SETD1B: variants seen among roughly 807,000 people sequenced by gnomAD.
SETD1B encodes SET domain containing 1B, histone lysine methyltransferase, also known as histone-lysine N-methyltransferase SETD1B.
In SETD1B, 7 loss-of-function variants were observed where a neutral mutation model predicts 148.0. The observed-to-expected ratio is 0.05, with a 90% CI of 0.03 to 0.09. The LOEUF is 0.09. SETD1B is among the 10% of genes least tolerant of loss of function. The probability of loss-of-function intolerance (pLI) is 1.00; values close to 1 mark genes in which losing one functional copy is unlikely to be tolerated. For synonymous variants in SETD1B, 1,361 were observed against 1,186.5 expected (o/e 1.15, Z -3.02); for missense variants, 2,155 against 2,729.9 (o/e 0.79, Z 4.69).
At chr12:121,822,032 G>A (rs532030768) in intron 11 of SETD1B, among the ~76,000 whole-genome samples, 35 of 152,238 alleles carry the variant, frequency 2.3e-4, no homozygotes, top group African/African-American at 8.4e-4. Context: ...CAGTGACCGT[G>A]ATCATGCCAC....
chr12:121,799,662 C>G (rs1592966153), upstream of SETD1B: 1 of 145,958 alleles, frequency 6.9e-6, no homozygotes, highest in Admixed American at 7.0e-5. Flanking sequence ...CAGAAGCTGA[C>G]AGACGGGGAT....
intron 10 of SETD1B, among the ~76,000 whole-genome samples, chr12:121,818,482 G>A (rs1325216774): frequency 6.6e-6 from 1 of 152,080 alleles, no homozygotes. Context: ...AGAATTGCTT[G>A]AATCCAGGAG....
chr12:121,794,016 GC>G, the SETD1B span: 1 of 176,552 alleles, frequency 5.7e-6, no homozygotes, highest in African/African-American at 2.4e-5. Context: ...CCTCTGATTG[GC>G]TGGCGCGGCC....
chr12:121,826,274 C>T (rs1202718597), intron 13 of SETD1B, among the ~76,000 whole-genome samples: 1 of 152,050 alleles, frequency 6.6e-6, no homozygotes, highest in African/African-American at 2.4e-5. Context: ...CACGTAATTC[C>T]AGGCAGGGAA....
the SETD1B span, chr12:121,797,182 T>G: frequency 2.9e-5 from 10 of 347,114 alleles, no homozygotes; most frequent in Non-Finnish European, 5.7e-5. Flanking sequence ...GCAGAGGCTG[T>G]GTCTCCACCC....
At position 121,823,115 on chromosome 12, in the gene SETD1B, T is replaced by A. The variant is rs1381447427; in HGVS notation, c.4536T>A (p.Pro1512=). Residue 1512 remains proline (P), a synonymous_variant, in exon 12 of 17, where the codon CCT becomes CCA. Transcript: ENST00000604567. The part of the protein sequence containing the change: ...PLLPAPLASC[P]PPMKRKPGRP... ...TGCCCGCCCCCCTGGCCTCTTGCCC[T>A]CCCCCAATGAAGAGGAAGCCGGGCC... The A allele has an allele frequency of 2.4e-6, 2 of 839,240 alleles. No individual in the cohort carries two copies. The highest frequency in any genetic ancestry group is 4.8e-5 in the African/African-American group (1 of 20,972). 52.0% of individuals were successfully genotyped at this position (839,240 alleles called of 1,614,324 possible).
At chr12:121,827,888 G>A (rs1444883281) in intron 15 of SETD1B, 34 bp downstream of exon 15, 5 of 1,552,810 alleles carry the variant, frequency 3.2e-6, no homozygotes, top group Non-Finnish European at 4.4e-6. Flanking sequence ...GCACCGGGGT[G>A]GGCATGGGGC....
At chr12:121,793,023 C>G in the SETD1B span, 1 of 784,146 alleles carries the variant, frequency 1.3e-6, no homozygotes, top group Non-Finnish European at 2.1e-6. Context: ...TGAGCGGCCT[C>G]CAGGAGTGAA....
At chr12:121,806,454 AGTTT>A (rs1875745939) in intron 4 of SETD1B, among the ~76,000 whole-genome samples, 3 of 152,002 alleles carry the variant, frequency 2.0e-5, no homozygotes, top group Non-Finnish European at 4.4e-5. Context: ...GAGGAGACAG[AGTTT>A]GTTTACTTGT....
In SETD1B at chr12:121,809,776, G is replaced by T. The variant is rs1489129997; in HGVS notation, c.831G>T (p.Pro277=). The T allele has an allele frequency of 1.9e-6, 3 of 1,551,368 alleles. No homozygotes were observed. The highest frequency in any genetic ancestry group is 1.2e-5 in the South Asian group (1 of 84,040). The change falls in exon 6 of 17, where the codon CCG becomes CCT. Residue 277 remains proline, a synonymous_variant. Transcript: ENST00000604567. ...NSYGQGTPLT[P]RLGTPFSQDS... ...ATGGACAGGGCACCCCGCTCACACCGCGCCTGGGCACCCCTTTCTCACAGG... is the reference window on the plus strand; with the variant it reads ...ATGGACAGGGCACCCCGCTCACACCTCGCCTGGGCACCCCTTTCTCACAGG...
Position 121,810,042 on chromosome 12 carries a change from C to T in SETD1B, c.1097C>T (p.Pro366Leu). Residue 366 changes from proline (P) to leucine (L), a missense_variant, in exon 6 of 17, where the codon CCC becomes CTC. Pro to Leu is a moderately conservative substitution (Grantham distance 98). Coordinates refer to ENST00000604567, the MANE Select transcript of SETD1B (RefSeq NM_001353345.2). This position sits in a 1 kb window ranked among gnomAD's most constrained non-coding sequence, Gnocchi z 7.6. Reference protein sequence around the residue: ...AVGGTGGSSGPPFKAQPQDSA... With the variant: ...AVGGTGGSSGLPFKAQPQDSA... Reference sequence around the variant, plus strand: ...GGCGGCACTGGGGGCAGCAGCGGTCCCCCGTTCAAGGCTCAACCACAGGAT... The same window carrying T: ...GGCGGCACTGGGGGCAGCAGCGGTCTCCCGTTCAAGGCTCAACCACAGGAT... 1 of 1,550,298 alleles carries T rather than the reference C, an allele frequency of 6.5e-7. No individual in the cohort carries two copies. The highest frequency in any genetic ancestry group is 8.7e-7 in the Non-Finnish European group (1 of 1,146,922).
Position 121,805,304 on chromosome 12 carries a change from TC to T in SETD1B, c.273+91del. On this transcript the variant is annotated intron_variant, in intron 3 of 16. Transcript: ENST00000604567. The surrounding 1 kb of genome is among the most constrained non-coding windows in gnomAD (Gnocchi z 4.2). The stretch of plus-strand genomic sequence containing the variant: ...CAGTCCTGACCGAGCCCAGCCGGAT[TC>T]CCAGTTCCCGCCGTCCGGGGCCAGG... 8.7e-7 allele frequency: 1 copy of T among 1,152,110 alleles called. No homozygotes were observed. The highest frequency in any genetic ancestry group is 1.2e-6 in the Non-Finnish European group (1 of 800,258). The allele number at this position is 1,152,110 out of a possible 1,614,324, so 71.4% of individuals were successfully genotyped here. A position where few individuals can be genotyped will look rare whatever the true frequency, so the allele number is the denominator to read the frequency against.
At chr12:121,816,233 C>A (rs1211322446) in intron 7 of SETD1B, among the ~76,000 whole-genome samples, 1 of 152,124 alleles carries the variant, frequency 6.6e-6, no homozygotes, top group Admixed American at 6.6e-5. Context: ...ATACTTTAAA[C>A]TCCCCTTAAT....
chr12:121,824,420 A>G lies in SETD1B; in HGVS notation c.5170+671A>G, dbSNP rs568090631. ...CCAGCACTATGGGAGGCTGAGGCGG[A>G]CGGATCACTCGAGGCCAGAAGTTTG... On this transcript the variant is annotated intron_variant, in intron 12 of 16. Transcript: ENST00000604567. 2.0e-5 allele frequency among the ~76,000 whole-genome samples: 3 copies of G among 152,262 alleles called. No homozygotes were observed. In the East Asian group the frequency reaches 5.8e-4, roughly 29 times the overall value.
At chr12:121,800,964 C>G (rs1875321538), upstream of SETD1B, 1 of 152,122 alleles carries the variant, frequency 6.6e-6, no homozygotes, top group African/African-American at 2.4e-5. Context: ...CGGCTGGGCC[C>G]GCCTGCCAGA....
chr12:121,824,108 G>A (rs1316246596), intron 12 of SETD1B, among the ~76,000 whole-genome samples: 1 of 152,156 alleles, frequency 6.6e-6, no homozygotes, highest in African/African-American at 2.4e-5. Context: ...GGTGAAGATG[G>A]GGGCTATGAT....
In SETD1B at chr12:121,823,502, G is replaced by A. The variant is rs1242070172; in HGVS notation, c.4923G>A (p.Pro1641=). 1.1e-5 allele frequency: 17 copies of A among 1,550,486 alleles called. No homozygotes were observed. Among genetic ancestry groups the A allele is most frequent in the Admixed American group, 3.9e-5 (2 of 50,978 alleles). The change falls in exon 12 of 17, where the codon CCG becomes CCA. Residue 1641 remains proline (P), a synonymous_variant. Coordinates refer to ENST00000604567, the MANE Select transcript of SETD1B (RefSeq NM_001353345.2). ...TGGAGTTGGCCAAGAGCCGGGGGCCGTGGCGCCGGCCACCTAAGAAGCGCC... is the reference window on the plus strand; with the variant it reads ...TGGAGTTGGCCAAGAGCCGGGGGCCATGGCGCCGGCCACCTAAGAAGCGCC... ...EYMELAKSRG[P]WRRPPKKRHE...
intron 11 of SETD1B, among the ~76,000 whole-genome samples, chr12:121,820,851 A>T (rs1876535143): frequency 6.6e-6 from 1 of 152,172 alleles, no homozygotes; most frequent in Non-Finnish European, 1.5e-5. Context: ...TACCTTTAAT[A>T]AGTCCTTCAG....
intron 16 of SETD1B, among the ~76,000 whole-genome samples, chr12:121,828,783 A>G (rs758178256): frequency 2.6e-4 from 40 of 152,324 alleles, no homozygotes; most frequent in Non-Finnish European, 5.3e-4. Flanking sequence ...CTTGTCTGTA[A>G]AACAGAGACA....
Sources: allele counts gnomAD v4.1 joint callset (sites outside exome capture counted in the v4.1 genomes callset), GRCh38; gene constraint gnomAD v4.1.1; non-coding constraint Gnocchi (gnomAD v3.1); transcripts MANE v1.5; gene names NCBI Gene and HGNC (gene_info 2026-07-23, HGNC 2026-07-21).